The following CASKIN1 variants were observed in gnomAD, a reference collection of about 807,000 sequenced individuals.
The protein encoded by CASKIN1 is caskin-1.
A neutral mutation model predicts 117.5 loss-of-function variants in CASKIN1; 42 were observed. The observed-to-expected ratio is 0.36, with a 90% CI of 0.28 to 0.46. CASKIN1 has a LOEUF of 0.46. Ranked by LOEUF, CASKIN1 falls within the 20% of genes least tolerant of loss-of-function variation. CASKIN1 has a pLI of 1.00. For synonymous variants in CASKIN1, 1,148 were observed against 961.7 expected, an observed-to-expected ratio of 1.19 and a Z score of -3.59; for missense variants, 2,083 against 2,077.3, an observed-to-expected ratio of 1.00 and a Z score of -0.05.
At position 2,190,092 on chromosome 16, in the gene CASKIN1, C is replaced by T; in HGVS notation, c.225G>A (p.Val75=). 1.2e-6 allele frequency: 2 copies of T among 1,612,844 alleles called. No homozygotes were observed. Among genetic ancestry groups the T allele is most frequent in the Non-Finnish European group, 1.7e-6 (2 of 1,179,918 alleles). ...ISLLLEAQAA[V]DIKDNKGMRP... is the part of the protein sequence containing the mutation. The stretch of plus-strand genomic sequence containing the variant: ...TCTTGCCTTTGTTGTCCTTGATGTC[C>T]ACAGCGGCCTGGGCCTCCAGCAGCA... The change falls in exon 3 of 20, where the codon GTG becomes GTA. Residue 75 remains valine (V), a synonymous_variant. Coordinates refer to ENST00000343516, the MANE Select transcript of CASKIN1 (RefSeq NM_020764.4).
Position 2,180,724 on chromosome 16 carries a change from T to C in CASKIN1, c.2644A>G (p.Ser882Gly), listed in dbSNP as rs1169817507. Residue 882 changes from serine to glycine, a missense_variant, in exon 18 of 20, where the codon AGC (serine) becomes GGC (glycine). By Grantham distance (56) the Ser-to-Gly change is moderately conservative (BLOSUM62 0). This residue lies in a region of CASKIN1 where 1,818 missense variants were observed against 1,688.9 expected (regional missense o/e 1.08). Transcript: ENST00000343516. ...EPGRPKKRAH[S>G]LNRYAASDSE... ...TCGGACGCCGCATAGCGATTCAGGC[T>C]GTGGGCCCGCTTCTTGGGCCGCCCC... 1.4e-6 allele frequency: 2 copies of C among 1,457,344 alleles called. No homozygotes were observed. The highest frequency in any genetic ancestry group is 1.8e-6 in the Non-Finnish European group (2 of 1,112,060). The allele number at this position is 1,457,344 out of a possible 1,614,324, so 90.3% of individuals were successfully genotyped here. A position where few individuals can be genotyped will look rare whatever the true frequency, so the allele number is the denominator to read the frequency against.
chr16:2,185,431 T>A, intron 10 of CASKIN1, 23 bp from the exon 11 acceptor site: 1 of 1,574,522 alleles, frequency 6.4e-7, no homozygotes, highest in Non-Finnish European at 8.6e-7. Context: ...CAAAGCCTCC[T>A]AAGTCCTGGG....
chr16:2,189,178 AGG>A, intron 5 of CASKIN1, 21 bp from the exon 6 acceptor site: 10 of 1,612,326 alleles, frequency 6.2e-6, no homozygotes, highest in Non-Finnish European at 8.5e-6. Context: ...GGGTCAGGGT[AGG>A]GGGGTCCTGA....
Position 2,177,487 on chromosome 16 carries a change from G to A in CASKIN1, c.*1063C>T, listed in dbSNP as rs2093143221. The A allele has an allele frequency of 4.3e-6, 1 of 233,382 alleles. No individual in the cohort carries two copies. Among genetic ancestry groups the A allele is most frequent in the South Asian group, 1.8e-4 (1 of 5,600 alleles). The allele number at this position is 233,382 out of a possible 1,614,324, so 14.5% of individuals were successfully genotyped here. ...GTGGATCAGCAAACACGATAGAGGA[G>A]ACCAGTCAGTACTTCTTGGAGGGGG... On this transcript the variant is annotated 3_prime_UTR_variant, in exon 20 of 20. Transcript: ENST00000343516.
intron 1 of CASKIN1, among the ~76,000 whole-genome samples, chr16:2,191,033 G>GC (rs1051282637): frequency 6.6e-6 from 1 of 152,126 alleles, no homozygotes; most frequent in Non-Finnish European, 1.5e-5. Context: ...TCCTCCTGGG[G>GC]CCCCCCGCAT....
chr16:2,184,418 C>G (rs1437053132), intron 14 of CASKIN1, among the ~76,000 whole-genome samples: 1 of 152,148 alleles, frequency 6.6e-6, no homozygotes, highest in African/African-American at 2.4e-5. Context: ...CTCCGGCACA[C>G]GAGTGCACTC....
chr16:2,179,720 G>A lies in CASKIN1; in HGVS notation c.3648C>T (p.Gly1216=), dbSNP rs76786303. The change falls in exon 18 of 20, where the codon GGC becomes GGT. Residue 1216 remains glycine, a synonymous_variant. Transcript: ENST00000343516. This position sits in a 1 kb window ranked among gnomAD's most constrained non-coding sequence, Gnocchi z 5.8. ...GCGGCTTGGCCGGCTTCCGGGCTTCGCCCTCGGGCGGGGGCAATGGGGGTA... is the reference window on the plus strand; with the variant it reads ...GCGGCTTGGCCGGCTTCCGGGCTTCACCCTCGGGCGGGGGCAATGGGGGTA... The part of the protein sequence containing the change: ...AHLPPLPPPE[G]EARKPAKPPV... The A allele has an allele frequency of 6.0e-4, 913 of 1,533,110 alleles. 2 individuals carry two copies. The African/African-American group carries it at 0.012, about 19-fold the overall frequency. 95.0% of individuals were successfully genotyped at this position (1,533,110 alleles called of 1,614,324 possible).
Position 2,179,428 on chromosome 16 carries a change from C to T in CASKIN1, c.3776-103G>A, listed in dbSNP as rs944305572. Reference sequence around the variant, plus strand: ...CCTCCCCAGCGGACCGGGAAAGACCCTGCTCACCTTGCCCCCAGCCCTGGA... The same window carrying T: ...CCTCCCCAGCGGACCGGGAAAGACCTTGCTCACCTTGCCCCCAGCCCTGGA... On this transcript the variant is annotated intron_variant, in intron 18 of 19. Coordinates refer to ENST00000343516, the MANE Select transcript of CASKIN1 (RefSeq NM_020764.4). The surrounding 1 kb of genome is among the most constrained non-coding windows in gnomAD (Gnocchi z 5.8). 149 of 1,355,860 alleles carry T rather than the reference C, an allele frequency of 1.1e-4. No homozygotes were observed. The highest frequency in any genetic ancestry group is 1.2e-4 in the Non-Finnish European group (131 of 1,061,222). The allele number at this position is 1,355,860 out of a possible 1,614,324, so 84.0% of individuals were successfully genotyped here.
chr16:2,189,542 C>A lies in CASKIN1; in HGVS notation c.267G>T (p.Ala89=). 1.9e-6 allele frequency: 3 copies of A among 1,610,100 alleles called. No individual in the cohort carries two copies. Among genetic ancestry groups the A allele is most frequent in the Non-Finnish European group, 1.7e-6 (2 of 1,179,128 alleles). The change falls in exon 4 of 20, where the codon GCG becomes GCT. Residue 89 remains alanine, a synonymous_variant. Coordinates refer to ENST00000343516, the MANE Select transcript of CASKIN1 (RefSeq NM_020764.4). ...DNKGMRPLHY[A]AWQGRKEPMK... Reference sequence around the variant, plus strand: ...TGGGCTCCTTCCGGCCCTGCCAGGCCGCATAGTGCAGCGGCCGCATGCCTG... The same window carrying A: ...TGGGCTCCTTCCGGCCCTGCCAGGCAGCATAGTGCAGCGGCCGCATGCCTG...
At chr16:2,185,274 C>T in intron 11 of CASKIN1, 33 bp downstream of exon 11, 1 of 1,596,012 alleles carries the variant, frequency 6.3e-7, no homozygotes, top group South Asian at 1.1e-5. Flanking sequence ...TGTGGAAGTC[C>T]TGCCACCTCT....
In CASKIN1 at chr16:2,181,236, C is replaced by T; in HGVS notation, c.2132G>A (p.Gly711Glu). The T allele has an allele frequency of 6.3e-7, 1 of 1,595,732 alleles. No individual in the cohort carries two copies. Residue 711 changes from glycine (G) to glutamate (E), a missense_variant, in exon 18 of 20, where the codon GGA (glycine) becomes GAA (glutamate). Around this residue, in one of 3 missense-constraint regions of CASKIN1, gnomAD observed 1,818 missense variants for 1,688.9 expected, o/e 1.08. Transcript: ENST00000343516. ...RHMSSSQELL[G>E]DGPPGPSSPM... The stretch of plus-strand genomic sequence containing the variant: ...GCTGCTGGGCCCAGGGGGCCCATCT[C>T]CCAGCAGCTCCTGCGAGCTGCTCAT...
At chr16:2,185,072 A>G in intron 12 of CASKIN1, 37 bp from the exon 13 acceptor site, 1 of 1,607,446 alleles carries the variant, frequency 6.2e-7, no homozygotes, top group Non-Finnish European at 8.5e-7. Context: ...ACCTGCTCCC[A>G]GCCCTGGCCA....
At chr16:2,184,266 T>C (rs1015521973) in intron 14 of CASKIN1, among the ~76,000 whole-genome samples, 2 of 152,028 alleles carry the variant, frequency 1.3e-5, no homozygotes, top group African/African-American at 4.8e-5. Flanking sequence ...CCACGCCATC[T>C]TGGGGATGCA....
At chr16:2,183,996 C>T (rs1253573864) in intron 14 of CASKIN1, 55 bp from the exon 15 acceptor site, 1 of 1,228,060 alleles carries the variant, frequency 8.1e-7, no homozygotes, top group Non-Finnish European at 1.1e-6. Flanking sequence ...CGCCCTGCCA[C>T]CACAGTGCCG....
Position 2,187,361 on chromosome 16 carries a change from G to A in CASKIN1, c.718C>T (p.Leu240=), listed in dbSNP as rs2093188000. ...LCGKTEVVRL[L]LDSGINAHVR... ...CTGGGCCCCACACTCACATCCAGCA[G>A]CAGCCGCACCACCTCTGTCTTTCCG... Residue 240 remains leucine (L), a synonymous_variant, in exon 7 of 20, where the codon CTG becomes TTG. Coordinates refer to ENST00000343516, the MANE Select transcript of CASKIN1 (RefSeq NM_020764.4). 6.2e-7 allele frequency: 1 copy of A among 1,612,724 alleles called. No individual in the cohort carries two copies. Among genetic ancestry groups the A allele is most frequent in the Non-Finnish European group, 8.5e-7 (1 of 1,179,854 alleles).
At position 2,189,293 on chromosome 16, in the gene CASKIN1, A is replaced by G; in HGVS notation, c.431T>C (p.Val144Ala). ...LLQHQSNPCM[V>A]DNSGKTPLDL... ...CAGGGGCGTCTTCCCCGAGTTGTCC[A>G]CCATGCACGGGTTAGACTGGTGCTG... Residue 144 changes from valine to alanine, a missense_variant, in exon 5 of 20, where the codon GTG becomes GCG. Physicochemically the swap from Val to Ala is moderately conservative, Grantham distance 64 (BLOSUM62 0). Around this residue, in one of 3 missense-constraint regions of CASKIN1, gnomAD observed 203 missense variants for 338.7 expected, o/e 0.60. Transcript: ENST00000343516. 6.2e-7 allele frequency: 1 copy of G among 1,613,222 alleles called. No homozygotes were observed. The highest frequency in any genetic ancestry group is 1.7e-5 in the Admixed American group (1 of 60,018).
chr16:2,187,175 G>C lies in CASKIN1; in HGVS notation c.826C>G (p.Leu276Val). 6.2e-7 allele frequency: 1 copy of C among 1,613,954 alleles called. No individual in the cohort carries two copies. The highest frequency in any genetic ancestry group is 8.5e-7 in the Non-Finnish European group (1 of 1,179,962). ...CCCTGCCTGGGCCCACCTCGCAACA[G>C]CTGCTTGATCTCCCTGCTGGCCTGG... ...TSQASREIKQ[L>V]LREASAALQV... The change falls in exon 8 of 20, where the codon CTG becomes GTG. Residue 276 changes from leucine to valine, a missense_variant. Coordinates refer to ENST00000343516, the MANE Select transcript of CASKIN1 (RefSeq NM_020764.4).
rs2093155869 is a variant in CASKIN1 at position 2,178,923 on chromosome 16, T to C, written c.4178A>G (p.Gln1393Arg). The change falls in exon 19 of 20, where the codon CAG (glutamine) becomes CGG (arginine). Residue 1393 changes from glutamine to arginine, a missense_variant. This residue lies in a region of CASKIN1 where 1,818 missense variants were observed against 1,688.9 expected (regional missense o/e 1.08). Coordinates refer to ENST00000343516, the MANE Select transcript of CASKIN1 (RefSeq NM_020764.4). Reference protein sequence around the residue: ...ALQAVEEKIRQEDAQGPRDSA... With the variant: ...ALQAVEEKIRREDAQGPRDSA... Reference sequence around the variant, plus strand: ...CTACCGCGGGCCCTGCGCGTCCTCCTGCCGGATCTTCTCCTCCACCGCCTG... The same window carrying C: ...CTACCGCGGGCCCTGCGCGTCCTCCCGCCGGATCTTCTCCTCCACCGCCTG... The C allele has an allele frequency of 1.3e-6, 2 of 1,488,154 alleles. No individual in the cohort carries two copies. The highest frequency in any genetic ancestry group is 5.7e-5 in the East Asian group (2 of 35,116). 92.2% of individuals were successfully genotyped at this position (1,488,154 alleles called of 1,614,324 possible).
chr16:2,182,028 CACAG>C lies in CASKIN1; in HGVS notation c.1630-103_1630-100del, dbSNP rs997567302. On this transcript the variant is annotated intron_variant, in intron 16 of 19. Coordinates refer to ENST00000343516, the MANE Select transcript of CASKIN1 (RefSeq NM_020764.4). The surrounding 1 kb of genome is among the most constrained non-coding windows in gnomAD (Gnocchi z 4.1). ...AGGAAGGGTCACCGGGCCAGCAGGG[CACAG>C]ACAGACAGGAGGACAAACGGATAGG... The C allele has an allele frequency of 3.6e-5, 56 of 1,535,478 alleles. No homozygotes were observed. The highest frequency in any genetic ancestry group is 3.0e-4 in the Admixed American group (17 of 57,276).
Sources: gnomAD v4.1 joint callset for allele counts (sites outside exome capture counted in the v4.1 genomes callset) on GRCh38, gnomAD v4.1.1 for gene constraint, gnomAD v4.1.1 regional missense constraint, Gnocchi (gnomAD v3.1) non-coding constraint, MANE v1.5 for transcripts, NCBI Gene and HGNC (gene_info 2026-07-23, HGNC 2026-07-21) for gene names.